RERE: variants seen among roughly 807,000 people sequenced by gnomAD.
The protein encoded by RERE is arginine-glutamic acid dipeptide repeats protein.
RERE carries 40 observed loss-of-function variants against 146.1 expected under a neutral mutation model. The ratio of observed to expected loss-of-function variants is 0.27; its 90% CI spans 0.21 to 0.36. RERE has a LOEUF of 0.36. Ranked by LOEUF, RERE falls within the 10% of genes least tolerant of loss-of-function variation. RERE has a pLI of 1.00. For missense variants in RERE, 1,933 were observed against 2,138.7 expected, an observed-to-expected ratio of 0.90 and a Z score of 1.90; for synonymous variants, 1,003 against 866.0, an observed-to-expected ratio of 1.16 and a Z score of -2.78.
At chr1:8,432,197 T>C (rs1316972080) in intron 11 of RERE, among the ~76,000 whole-genome samples, 1 of 152,190 alleles carries the variant, frequency 6.6e-6, no homozygotes, top group South Asian at 2.1e-4. Context: ...GCCTCCACAA[T>C]TGGGTTCCCA....
chr1:8,753,068 G>C (rs575615558), intron 1 of RERE, among the ~76,000 whole-genome samples: 1 of 152,244 alleles, frequency 6.6e-6, no homozygotes, highest in South Asian at 2.1e-4. Context: ...CATTAAAAAT[G>C]CAAGCTGTGC....
At chr1:8,457,775 A>G (rs1644469966) in intron 11 of RERE, among the ~76,000 whole-genome samples, 1 of 151,866 alleles carries the variant, frequency 6.6e-6, no homozygotes, top group South Asian at 2.1e-4. Flanking sequence ...TAATTTTTGT[A>G]TTTTTAGTAG....
intron 4 of RERE, among the ~76,000 whole-genome samples, chr1:8,607,886 T>G (rs1467871942): frequency 6.6e-6 from 1 of 151,950 alleles, no homozygotes; most frequent in Non-Finnish European, 1.5e-5. Context: ...CCACCACGCC[T>G]GGCTAATTTT....
intron 2 of RERE, among the ~76,000 whole-genome samples, chr1:8,650,037 A>G (rs1467815751): frequency 6.6e-6 from 1 of 152,192 alleles, no homozygotes; most frequent in Non-Finnish European, 1.5e-5. Context: ...CGAGAAGAGC[A>G]AGTGCAAAGG....
At chr1:8,511,218 CTAA>C (rs1645331518) in intron 7 of RERE, among the ~76,000 whole-genome samples, 1 of 151,956 alleles carries the variant, frequency 6.6e-6, no homozygotes, top group Admixed American at 6.6e-5. Context: ...TATTATTAAA[CTAA>C]TAATACAAAT....
At chr1:8,578,284 A>G (rs1646321323) in intron 4 of RERE, among the ~76,000 whole-genome samples, 1 of 152,170 alleles carries the variant, frequency 6.6e-6, no homozygotes, top group African/African-American at 2.4e-5. Flanking sequence ...AGTGCTGACA[A>G]AGTATTGATG....
chr1:8,597,464 C>T (rs1646568501), intron 4 of RERE, among the ~76,000 whole-genome samples: 1 of 151,984 alleles, frequency 6.6e-6, no homozygotes, highest in Admixed American at 6.6e-5. Context: ...AACCAGGTCA[C>T]TGAAATGATA....
intron 10 of RERE, among the ~76,000 whole-genome samples, chr1:8,481,989 C>T (rs1644840061): frequency 1.3e-5 from 2 of 152,018 alleles, no homozygotes; most frequent in South Asian, 4.1e-4. Flanking sequence ...CGAAGCAGAC[C>T]AGGAGGATAA....
intron 10 of RERE, among the ~76,000 whole-genome samples, chr1:8,487,572 AAAAC>A (rs1254608811): frequency 6.6e-6 from 1 of 152,156 alleles, no homozygotes; most frequent in Non-Finnish European, 1.5e-5. Context: ...ACCCTTTCTC[AAAAC>A]AAACAAATAC....
chr1:8,813,846 C>A (rs1291989550), intron 1 of RERE, among the ~76,000 whole-genome samples: 1 of 152,174 alleles, frequency 6.6e-6, no homozygotes, highest in Non-Finnish European at 1.5e-5. Flanking sequence ...AACTCCTGAC[C>A]TCAAGTGGTC....
intron 7 of RERE, among the ~76,000 whole-genome samples, chr1:8,529,853 C>T (rs1645619902): frequency 6.6e-6 from 1 of 152,170 alleles, no homozygotes; most frequent in Non-Finnish European, 1.5e-5. Flanking sequence ...CCACAAATTC[C>T]AATTTTAGAA....
chr1:8,790,917 T>C (rs915976374), intron 1 of RERE, among the ~76,000 whole-genome samples: 3 of 152,148 alleles, frequency 2.0e-5, no homozygotes, highest in African/African-American at 7.2e-5. Context: ...GACAGGGTGG[T>C]AGGGGTTTCA....
chr1:8,378,755 C>G (rs1557598955), intron 12 of RERE, among the ~76,000 whole-genome samples: 1 of 152,186 alleles, frequency 6.6e-6, no homozygotes, highest in Non-Finnish European at 1.5e-5. Context: ...ATGGCAACCA[C>G]AGCAGACTAA....
At chr1:8,743,505 GA>G (rs1320206431) in intron 1 of RERE, among the ~76,000 whole-genome samples, 4 of 149,742 alleles carry the variant, frequency 2.7e-5, no homozygotes, top group South Asian at 2.1e-4. Flanking sequence ...TGGCCCCAAG[GA>G]ATCCTCGGCC....
chr1:8,360,696 G>A lies in RERE; in HGVS notation c.2811C>T (p.Pro937=). ...HIKPPPTTPI[P]QLPAPQAHKH... ...TGTGGGCCTGTGGCGCCGGCAGCTG[G>A]GGGATGGGAGTGGTAGGCGGGGGCT... The change falls in exon 18 of 23, where the codon CCC becomes CCT. Residue 937 remains proline (P), a synonymous_variant. Transcript: ENST00000400908. 1 of 1,565,000 alleles carries A rather than the reference G, an allele frequency of 6.4e-7. No homozygotes were observed. Among genetic ancestry groups the A allele is most frequent in the South Asian group, 1.2e-5 (1 of 84,512 alleles).
chr1:8,356,648 G>A lies in RERE; in HGVS notation c.4340-402C>T, dbSNP rs538823353. Among the ~76,000 whole-genome samples the A allele has an allele frequency of 2.6e-5, 4 of 152,272 alleles. No individual in the cohort carries two copies. The highest frequency in any genetic ancestry group is 4.4e-5 in the Non-Finnish European group (3 of 68,012). On this transcript the variant is annotated intron_variant, in intron 20 of 22. Transcript: ENST00000400908. The surrounding 1 kb of genome is among the most constrained non-coding windows in gnomAD (Gnocchi z 5.2). ...TGTTGGGCTGGCACCCCCTGCCCAG[G>A]GCTGTCTCCCTGCTCTTCACTCGCA...
At chr1:8,557,635 G>T in intron 4 of RERE, 112 bp from the exon 5 acceptor site, 1 of 706,536 alleles carries the variant, frequency 1.4e-6, no homozygotes, top group Non-Finnish European at 2.5e-6. Context: ...GATAGGGAGA[G>T]ACACAATTAC....
intron 11 of RERE, among the ~76,000 whole-genome samples, chr1:8,456,020 G>A (rs184825798): frequency 3.9e-5 from 6 of 152,254 alleles, no homozygotes; most frequent in African/African-American, 7.2e-5. Flanking sequence ...GTCAGTGCAC[G>A]TAGCATCCAT....
At position 8,695,424 on chromosome 1, in the gene RERE, T is replaced by A. The variant is rs143995710; in HGVS notation, c.-144-38983A>T. Among the ~76,000 whole-genome samples the A allele has an allele frequency of 1.7e-3, 262 of 151,736 alleles. 3 individuals carry two copies. Among genetic ancestry groups the A allele is most frequent in the South Asian group, 0.015 (71 of 4,796 alleles). Reference sequence around the variant, plus strand: ...CAAAAATTGACAACTGGGACCTAATTAAACTAAAGAGCTTCTGCACAGCAA... The same window carrying A: ...CAAAAATTGACAACTGGGACCTAATAAAACTAAAGAGCTTCTGCACAGCAA... On this transcript the variant is annotated intron_variant, in intron 1 of 22. Transcript: ENST00000400908.
Sources: allele counts gnomAD v4.1 joint callset (sites outside exome capture counted in the v4.1 genomes callset), GRCh38; gene constraint gnomAD v4.1.1; non-coding constraint Gnocchi (gnomAD v3.1); transcripts MANE v1.5; gene names NCBI Gene and HGNC (gene_info 2026-07-23, HGNC 2026-07-21).